Variants in PCNX4 observed in about 807,000 individuals in gnomAD.
PCNX4 encodes the protein pecanex 4, also known as pecanex-like protein 4.
Under a neutral mutation model 107.2 loss-of-function variants are expected in PCNX4, and 103 were observed. The ratio of observed to expected loss-of-function variants is 0.96; its 90% confidence interval spans 0.82 to 1.13. The LOEUF is 1.13. Among genes scored for constraint, PCNX4 ranks in the 50% most tolerant of loss-of-function variants. PCNX4 has a pLI of 0.00. For missense variants in PCNX4, 1,528 were observed against 1,379.4 expected (o/e 1.11, Z -1.71); for synonymous variants, 541 against 481.7 (o/e 1.12, Z -1.61).
chr14:60,104,939 T>A (rs77375892), intron 1 of PCNX4, among the ~76,000 whole-genome samples: 3,159 of 152,304 alleles, frequency 0.021, 58 homozygotes, highest in South Asian at 0.049. Flanking sequence ...TACTAATACG[T>A]GTTACAAGGT....
chr14:60,114,684 C>CT lies in PCNX4; in HGVS notation c.690-7dup, dbSNP rs533041450. On this transcript the variant is annotated splice_polypyrimidine_tract_variant and intron_variant, in intron 2 of 10. Transcript: ENST00000406854. Reference sequence around the variant, plus strand: ...ATATATTTCGTGTGATTTAAATGTTCTTTTTTTTTATATAGGTTTGTGGTA... The same window carrying CT: ...ATATATTTCGTGTGATTTAAATGTTCTTTTTTTTTTATATAGGTTTGTGGTA... The CT allele has an allele frequency of 8.0e-4, 1,251 of 1,562,292 alleles. 4 individuals carry two copies. In the African/African-American group the frequency reaches 9.9e-3, roughly 12 times the overall value.
rs1234052133 is a variant in PCNX4, at chr14:60,139,266, G to A, written c.*5045G>A. On this transcript the variant is annotated 3_prime_UTR_variant, in exon 11 of 11. Transcript: ENST00000406854. ...ACAAAGGTTTGAAGTAAACAAGAATGGAAAAATTATAATATGAAATACAAA... is the reference window on the plus strand; with the variant it reads ...ACAAAGGTTTGAAGTAAACAAGAATAGAAAAATTATAATATGAAATACAAA... The A allele has an allele frequency of 2.6e-5, 4 of 151,898 alleles. No individual in the cohort carries two copies. Among genetic ancestry groups the A allele is most frequent in the Non-Finnish European group, 5.9e-5 (4 of 67,902 alleles). 9.4% of individuals were successfully genotyped at this position (151,898 alleles called of 1,614,324 possible).
At chr14:60,121,944 G>C (rs1287388006) in intron 8 of PCNX4, among the ~76,000 whole-genome samples, 5 of 152,094 alleles carry the variant, frequency 3.3e-5, no homozygotes, top group African/African-American at 1.2e-4. Flanking sequence ...CTACTTTGTG[G>C]TTCCTTCTCT....
Position 60,146,820 on chromosome 14 carries a change from A to C in PCNX4, c.*12599A>C, listed in dbSNP as rs1566528477. 6.6e-6 allele frequency: 1 copy of C among 152,224 alleles called. No homozygotes were observed. Among genetic ancestry groups the C allele is most frequent in the Admixed American group, 6.5e-5 (1 of 15,278 alleles). 9.4% of individuals were successfully genotyped at this position (152,224 alleles called of 1,614,324 possible). Reference sequence around the variant, plus strand: ...CTAAGTGATATAAGCAAGATACAGAAAAACAAGTACTATGTGATTTCACTT... The same window carrying C: ...CTAAGTGATATAAGCAAGATACAGACAAACAAGTACTATGTGATTTCACTT... On this transcript the variant is annotated 3_prime_UTR_variant, in exon 11 of 11. Transcript: ENST00000406854. This position sits in a 1 kb window ranked among gnomAD's most constrained non-coding sequence, Gnocchi z 4.9.
In PCNX4 at chr14:60,115,802, A is replaced by G. The variant is rs1296764758; in HGVS notation, c.1441A>G (p.Thr481Ala). The G allele has an allele frequency of 1.2e-6, 2 of 1,611,948 alleles. No homozygotes were observed. Among genetic ancestry groups the G allele is most frequent in the Admixed American group, 1.7e-5 (1 of 59,936 alleles). Residue 481 changes from threonine (T) to alanine (A), a missense_variant, in exon 5 of 11, where the codon ACA becomes GCA. By Grantham distance (58) the Thr-to-Ala change is moderately conservative. Coordinates refer to ENST00000406854, the MANE Select transcript of PCNX4 (RefSeq NM_001330177.2). The stretch of plus-strand genomic sequence containing the variant: ...CTCAGTGTCTGTCTGTATTGGATTC[A>G]CAAGAGCCTTTAGAATGGTAATCCT... Reference protein sequence around the residue: ...LHSVSVCIGFTRAFRMVWQNT... With the variant: ...LHSVSVCIGFARAFRMVWQNT...
At position 60,121,306 on chromosome 14, in the gene PCNX4, G is replaced by A. The variant is rs1315150139; in HGVS notation, c.2046+7G>A. 1.2e-6 allele frequency: 2 copies of A among 1,605,594 alleles called. No homozygotes were observed. Among genetic ancestry groups the A allele is most frequent in the Non-Finnish European group, 8.5e-7 (1 of 1,176,332 alleles). ...CTGCTCTATTAACATTAAGGTCAGT[G>A]TGCATATAAAACATCTGTAGTATTT... On this transcript the variant is annotated splice_region_variant and intron_variant, in intron 8 of 10. Transcript: ENST00000406854.
intron 10 of PCNX4, among the ~76,000 whole-genome samples, chr14:60,127,696 C>T (rs950081346): frequency 1.3e-5 from 2 of 152,120 alleles, no homozygotes; most frequent in Non-Finnish European, 2.9e-5. Flanking sequence ...CTGGAATATC[C>T]AATTTTCAAC....
In PCNX4 at chr14:60,115,720, A is replaced by G. The variant is rs781034559; in HGVS notation, c.1359A>G (p.Val453=). ...GIVRRILLTL[V]SPFAMIAFLS... ...TTCTCTCTTTTTGTTTTGTTTTAGT[A>G]TCACCTTTTGCCATGATAGCATTTC... The change falls in exon 5 of 11, where the codon GTA becomes GTG. Residue 453 remains valine (V), a splice_region_variant and synonymous_variant. Coordinates refer to ENST00000406854, the MANE Select transcript of PCNX4 (RefSeq NM_001330177.2). 5.6e-6 allele frequency: 9 copies of G among 1,610,384 alleles called. No homozygotes were observed. The highest frequency in any genetic ancestry group is 1.1e-5 in the South Asian group (1 of 90,840).
In PCNX4 at chr14:60,124,708, T is replaced by G; in HGVS notation, c.2537T>G (p.Leu846Trp). The G allele has an allele frequency of 1.2e-6, 2 of 1,613,146 alleles. No individual in the cohort carries two copies. Among genetic ancestry groups the G allele is most frequent in the Non-Finnish European group, 1.7e-6 (2 of 1,179,730 alleles). Residue 846 changes from leucine to tryptophan, a missense_variant, in exon 9 of 11, where the codon TTG becomes TGG. By Grantham distance (61) the Leu-to-Trp change is moderately conservative. Transcript: ENST00000406854. Reference protein sequence around the residue: ...VIEEKHQLKDLPGTNLFIPGS... With the variant: ...VIEEKHQLKDWPGTNLFIPGS... ...GAAGAAAAACATCAGTTGAAAGATT[T>G]GCCAGGTACAAATTTGTTTATTCCA...
rs1419602054 is a variant in PCNX4 at position 60,118,594 on chromosome 14, G to T, written c.1844G>T (p.Gly615Val). 6.2e-7 allele frequency: 1 copy of T among 1,613,726 alleles called. No homozygotes were observed. Among genetic ancestry groups the T allele is most frequent in the Non-Finnish European group, 8.5e-7 (1 of 1,179,818 alleles). The change falls in exon 7 of 11, where the codon GGC (glycine) becomes GTC (valine). Residue 615 changes from glycine to valine, a missense_variant. Coordinates refer to ENST00000406854, the MANE Select transcript of PCNX4 (RefSeq NM_001330177.2). ...ATTCAGAGTTGGCCAGGAGCAGCAG[G>T]CACCACAGCCTGTGTGTGTGCAGAT... ...RPIQSWPGAA[G>V]TTACVCADTV...
rs1186412295 is a variant in PCNX4, at chr14:60,145,670, G to C, written c.*11449G>C. 1 of 151,560 alleles carries C rather than the reference G, an allele frequency of 6.6e-6. No individual in the cohort carries two copies. The highest frequency in any genetic ancestry group is 6.6e-5 in the Admixed American group (1 of 15,234). The allele number at this position is 151,560 out of a possible 1,614,324, so 9.4% of individuals were successfully genotyped here. A position where few individuals can be genotyped will look rare whatever the true frequency, so the allele number is the denominator to read the frequency against. On this transcript the variant is annotated 3_prime_UTR_variant, in exon 11 of 11. Coordinates refer to ENST00000406854, the MANE Select transcript of PCNX4 (RefSeq NM_001330177.2). The surrounding 1 kb of genome is among the most constrained non-coding windows in gnomAD (Gnocchi z 4.0). ...GCCTGGCCAACAAGAGGGAAACTCT[G>C]TCTCAAAAAAAATAAAAAGAAAAAA...
chr14:60,109,952 G>A (rs1175583576), intron 2 of PCNX4: 1 of 167,120 alleles, frequency 6.0e-6, no homozygotes, highest in African/African-American at 2.4e-5. Flanking sequence ...GGCTTCTCCT[G>A]TTTCTAGTAA....
Position 60,148,020 on chromosome 14 carries a change from A to G in PCNX4, c.*13799A>G, listed in dbSNP as rs1896450556. The G allele has an allele frequency of 6.6e-6, 1 of 152,210 alleles. No individual in the cohort carries two copies. Among genetic ancestry groups the G allele is most frequent in the African/African-American group, 2.4e-5 (1 of 41,450 alleles). 9.4% of individuals were successfully genotyped at this position (152,210 alleles called of 1,614,324 possible). A position where few individuals can be genotyped will look rare whatever the true frequency, so the allele number is the denominator to read the frequency against. ...AAACACTCATAAGGGATCTGGCCCA[A>G]AGCAAACTGTTCCACATTACTACTT... On this transcript the variant is annotated 3_prime_UTR_variant, in exon 11 of 11. Coordinates refer to ENST00000406854, the MANE Select transcript of PCNX4 (RefSeq NM_001330177.2). This position sits in a 1 kb window ranked among gnomAD's most constrained non-coding sequence, Gnocchi z 4.8.
chr14:60,102,012 A>G lies in PCNX4; in HGVS notation c.-53-5574A>G, dbSNP rs144070252. Among the ~76,000 whole-genome samples the G allele has an allele frequency of 2.3e-3, 358 of 152,342 alleles. 1 individual carries two copies. Among genetic ancestry groups the G allele is most frequent in the African/African-American group, 7.9e-3 (329 of 41,572 alleles). ...CTACTACATTCCACTTATGTGAGGT[A>G]TCTAAAATAGACTAACTCTAAATCA... is the stretch of plus-strand genomic sequence containing the variant. On this transcript the variant is annotated intron_variant, in intron 1 of 10. Coordinates refer to ENST00000406854, the MANE Select transcript of PCNX4 (RefSeq NM_001330177.2).
Position 60,131,051 on chromosome 14 carries a change from A to G in PCNX4, c.3268-2919A>G, listed in dbSNP as rs1327891237. On this transcript the variant is annotated intron_variant, in intron 10 of 10. Coordinates refer to ENST00000406854, the MANE Select transcript of PCNX4 (RefSeq NM_001330177.2). ...TTCCTGTCTTTCTGCTTAGAACAGA[A>G]TAAGAAGATGGCTATCCATGAGCTA... Among the ~76,000 whole-genome samples, 3 of 152,144 alleles carry G rather than the reference A, an allele frequency of 2.0e-5. No individual in the cohort carries two copies. In the East Asian group the frequency reaches 5.8e-4, roughly 29 times the overall value.
chr14:60,127,466 C>CA (rs2140564762), intron 10 of PCNX4, among the ~76,000 whole-genome samples: 1 of 152,274 alleles, frequency 6.6e-6, no homozygotes, highest in East Asian at 1.9e-4. Flanking sequence ...ATAGCCGTGC[C>CA]AAAACCATCC....
intron 1 of PCNX4, among the ~76,000 whole-genome samples, chr14:60,095,844 GA>G (rs1211637252): frequency 1.3e-5 from 2 of 151,144 alleles, no homozygotes; most frequent in African/African-American, 2.4e-5. Flanking sequence ...GAAAAAAAAA[GA>G]AAAAATATAT....
Position 60,134,349 on chromosome 14 carries a change from T to C in PCNX4, c.*128T>C. The C allele has an allele frequency of 2.5e-6, 3 of 1,191,690 alleles. No individual in the cohort carries two copies. Among genetic ancestry groups the C allele is most frequent in the Non-Finnish European group, 3.5e-6 (3 of 852,870 alleles). The allele number at this position is 1,191,690 out of a possible 1,614,324, so 73.8% of individuals were successfully genotyped here. A position where few individuals can be genotyped will look rare whatever the true frequency, so the allele number is the denominator to read the frequency against. On this transcript the variant is annotated 3_prime_UTR_variant, in exon 11 of 11. Coordinates refer to ENST00000406854, the MANE Select transcript of PCNX4 (RefSeq NM_001330177.2). ...TTCAGATGCCTGAGAACAGCTAAGC[T>C]CCGTAAAGTTGGTTCTCTTAGCCAT...
chr14:60,121,289 T>C lies in PCNX4; in HGVS notation c.2036T>C (p.Ile679Thr), dbSNP rs1895950303. The part of the protein sequence containing the change: ...ILECGYTYCS[I>T]NIKGLELQET... ...GAATGTGGCTATACTTACTGCTCTA[T>C]TAACATTAAGGTCAGTGTGCATATA... Residue 679 changes from isoleucine (I) to threonine (T), a missense_variant, in exon 8 of 11, where the codon ATT becomes ACT. Physicochemically the swap from Ile to Thr is moderately conservative, Grantham distance 89. Coordinates refer to ENST00000406854, the MANE Select transcript of PCNX4 (RefSeq NM_001330177.2). 4 of 1,608,596 alleles carry C rather than the reference T, an allele frequency of 2.5e-6. No individual in the cohort carries two copies. The African/African-American group carries it at 4.0e-5, about 16-fold the overall frequency.
Sources: gnomAD v4.1 joint callset for allele counts (sites outside exome capture counted in the v4.1 genomes callset) on GRCh38, gnomAD v4.1.1 for gene constraint, Gnocchi (gnomAD v3.1) non-coding constraint, MANE v1.5 for transcripts, NCBI Gene and HGNC (gene_info 2026-07-23, HGNC 2026-07-21) for gene names.